C12orf54: variants seen among roughly 807,000 people sequenced by gnomAD.
The protein encoded by C12orf54 is uncharacterized protein C12orf54.
Under a neutral mutation model 26.4 loss-of-function variants are expected in C12orf54, and 24 were observed. The observed-to-expected ratio is 0.91, with a 90% CI of 0.66 to 1.28. C12orf54 has a LOEUF of 1.28. Among genes scored for constraint, C12orf54 ranks in the 50% most tolerant of loss-of-function variants. The pLI is 0.00. For missense variants in C12orf54, 154 were observed against 150.9 expected (o/e 1.02, Z -0.11); for synonymous variants, 54 against 47.0 (o/e 1.15, Z -0.61).
At chr12:48,486,790 G>T (rs900595619) in intron 4 of C12orf54, 64 bp downstream of exon 4, 3 of 1,473,552 alleles carry the variant, frequency 2.0e-6, no homozygotes, top group Non-Finnish European at 2.8e-6. Context: ...AAGTCTTCAG[G>T]AAGGAGCACA....
the C12orf54 span, among the ~76,000 whole-genome samples, chr12:48,434,792 TA>T: frequency 6.6e-6 from 1 of 151,966 alleles, no homozygotes; most frequent in African/African-American, 2.4e-5. Context: ...CAAAGGTAGA[TA>T]AAACCACAAA....
rs1273225164 is a variant in C12orf54, at chr12:48,483,288, T to G, written c.-9T>G. ...AGCTCCAGAGTCCTTGGTTTCTGTC[T>G]GAGAACAAATGGCACAGCATCCCTG... On this transcript the variant is annotated 5_prime_UTR_variant, in exon 2 of 9. Transcript: ENST00000548364. The G allele has an allele frequency of 6.2e-7, 1 of 1,613,690 alleles. No individual in the cohort carries two copies. The highest frequency in any genetic ancestry group is 8.5e-7 in the Non-Finnish European group (1 of 1,179,786).
the C12orf54 span, among the ~76,000 whole-genome samples, chr12:48,469,103 AT>A: frequency 6.6e-6 from 1 of 152,220 alleles, no homozygotes; most frequent in African/African-American, 2.4e-5. Context: ...ATGAGGTTTC[AT>A]GTCCTGCTGA....
the C12orf54 span, among the ~76,000 whole-genome samples, chr12:48,477,028 G>A: frequency 2.5e-4 from 38 of 152,288 alleles, no homozygotes; most frequent in South Asian, 1.5e-3. Flanking sequence ...TAAAAGAACA[G>A]AAATAATAAC....
chr12:48,428,771 C>G, the C12orf54 span, among the ~76,000 whole-genome samples: 2 of 151,970 alleles, frequency 1.3e-5, no homozygotes, highest in African/African-American at 4.8e-5. Flanking sequence ...CTATTGACAC[C>G]ATTCCACAAG....
the C12orf54 span, among the ~76,000 whole-genome samples, chr12:48,432,434 C>G: frequency 7.7e-4 from 117 of 152,296 alleles, no homozygotes; most frequent in African/African-American, 2.3e-3. Flanking sequence ...AAAGAACTCT[C>G]TTAATAACTT....
the C12orf54 span, among the ~76,000 whole-genome samples, chr12:48,440,118 G>A: frequency 1.6e-4 from 25 of 151,846 alleles, no homozygotes; most frequent in Non-Finnish European, 3.2e-4. Flanking sequence ...CCAGCTACTC[G>A]GAAGGCTGAG....
chr12:48,483,108 ACACATG>A (rs1319888685), intron 1 of C12orf54, 126 bp from the exon 2 acceptor site: 14 of 584,838 alleles, frequency 2.4e-5, no homozygotes, highest in African/African-American at 3.7e-5. Flanking sequence ...ATGCAAGCAC[ACACATG>A]CACATGCACA....
At chr12:48,477,712 C>T (rs1316482178), upstream of C12orf54, among the ~76,000 whole-genome samples, 1 of 152,150 alleles carries the variant, frequency 6.6e-6, no homozygotes, top group East Asian at 1.9e-4. Flanking sequence ...AGTTGAATCT[C>T]TGACTAGACC....
In C12orf54 at chr12:48,494,849, G is replaced by A. The variant is rs141336898; in HGVS notation, c.294G>A (p.Gln98=). 1.9e-6 allele frequency: 3 copies of A among 1,613,608 alleles called. No individual in the cohort carries two copies. The highest frequency in any genetic ancestry group is 2.5e-6 in the Non-Finnish European group (3 of 1,179,604). Residue 98 remains glutamine, a synonymous_variant, in exon 8 of 9, where the codon CAG becomes CAA. Transcript: ENST00000548364. ...SLMTPKLRRL[Q]FSSGEQPSGG... ...TGACCCCAAAGTTGAGAAGATTGCA[G>A]TTCAGCTCTGGAGAGCAGCCATCAG...
the C12orf54 span, chr12:48,442,245 C>A: frequency 4.9e-6 from 1 of 203,240 alleles, no homozygotes; most frequent in South Asian, 1.1e-4. Context: ...GTGGAGAAGG[C>A]TTTGCTTCTG....
At chr12:48,441,783 C>G in the C12orf54 span, among the ~76,000 whole-genome samples, 1 of 152,178 alleles carries the variant, frequency 6.6e-6, no homozygotes, top group Admixed American at 6.5e-5. Context: ...CTGACTAGGA[C>G]TGAACTGGTA....
the C12orf54 span, among the ~76,000 whole-genome samples, chr12:48,477,424 CA>C: frequency 1.3e-5 from 2 of 152,190 alleles, no homozygotes; most frequent in East Asian, 1.9e-4. Context: ...AATAGAGACA[CA>C]AAAAACCCTT....
chr12:48,479,741 G>A (rs1447814595), upstream of C12orf54, among the ~76,000 whole-genome samples: 1 of 151,796 alleles, frequency 6.6e-6, no homozygotes, highest in Non-Finnish European at 1.5e-5. Flanking sequence ...CTTCATAAGT[G>A]ACATGTAATT....
At chr12:48,463,293 C>T in the C12orf54 span, among the ~76,000 whole-genome samples, 1 of 151,926 alleles carries the variant, frequency 6.6e-6, no homozygotes, top group Non-Finnish European at 1.5e-5. Context: ...TTATTATGAA[C>T]ACCTTTATGC....
At chr12:48,422,553 C>A in the C12orf54 span, among the ~76,000 whole-genome samples, 1 of 152,048 alleles carries the variant, frequency 6.6e-6, no homozygotes, top group Non-Finnish European at 1.5e-5. Context: ...CAAAACTTGA[C>A]CTTTTTTTCT....
At chr12:48,460,825 G>A in the C12orf54 span, among the ~76,000 whole-genome samples, 4 of 151,890 alleles carry the variant, frequency 2.6e-5, no homozygotes, top group African/African-American at 7.2e-5. Context: ...AGATCAAATG[G>A]TATCACAAAA....
the C12orf54 span, among the ~76,000 whole-genome samples, chr12:48,454,065 C>T: frequency 6.7e-6 from 1 of 149,190 alleles, no homozygotes; most frequent in African/African-American, 2.5e-5. Flanking sequence ...AAAATCAAGA[C>T]AGTTCTCTCT....
the C12orf54 span, among the ~76,000 whole-genome samples, chr12:48,469,002 C>T: frequency 2.6e-5 from 4 of 152,082 alleles, no homozygotes; most frequent in Non-Finnish European, 2.9e-5. Flanking sequence ...CTGTGGGTCA[C>T]AGAGATCACA....
Sources: gnomAD v4.1 joint callset for allele counts (sites outside exome capture counted in the v4.1 genomes callset) on GRCh38, gnomAD v4.1.1 for gene constraint, MANE v1.5 for transcripts, NCBI Gene and HGNC (gene_info 2026-07-23, HGNC 2026-07-21) for gene names.